The following ENTR1 variants were observed in gnomAD, a reference collection of about 807,000 sequenced individuals.
ENTR1 encodes the protein endosome-associated-trafficking regulator 1.
ENTR1 carries 47 observed loss-of-function variants against 47.9 expected under a neutral mutation model. The ratio of observed to expected loss-of-function variants is 0.98; its 90% confidence interval spans 0.78 to 1.25. The LOEUF (loss-of-function observed/expected upper bound fraction) is 1.25, where lower values mean the gene tolerates loss of function less well. Among genes scored for constraint, ENTR1 ranks in the 50% most tolerant of loss-of-function variants. The pLI is 0.00. For missense variants in ENTR1, 668 were observed against 570.5 expected, an observed-to-expected ratio of 1.17 and a Z score of -1.74; for synonymous variants, 290 against 245.8, an observed-to-expected ratio of 1.18 and a Z score of -1.68.
At chr9:136,407,661 A>G (rs1834847097) in intron 4 of ENTR1, 100 bp from the exon 5 acceptor site, 4 of 1,462,326 alleles carry the variant, frequency 2.7e-6, no homozygotes, top group East Asian at 2.3e-5. Context: ...GAAAGGCCCA[A>G]TCTCTCTACC....
In ENTR1 at chr9:136,407,304, C is replaced by T. The variant is rs1240162991; in HGVS notation, c.660G>A (p.Glu220=). ...TYLSFFSTPS[E]LAGPESLPSW... ...AGGGCAGAGACTCAGGCCCTGCCAG[C>T]TCCGACGGGGTGGAGAAAAAGGAAA... Residue 220 remains glutamate, a synonymous_variant, in exon 5 of 10, where the codon GAG becomes GAA. Transcript: ENST00000357365. The T allele has an allele frequency of 2.5e-6, 4 of 1,612,046 alleles. No individual in the cohort carries two copies. The highest frequency in any genetic ancestry group is 2.5e-6 in the Non-Finnish European group (3 of 1,179,740).
Position 136,404,087 on chromosome 9 carries a change from C to T in ENTR1, c.1176G>A (p.Arg392=), listed in dbSNP as rs1379171955. ...AAGCCTGTGCACTGTTCATGACCAC[C>T]CGGAGGTTCTGCAGGGCCACGTCGG... ...QNADVALQNL[R]VVMNSAQASI... Residue 392 remains arginine, a synonymous_variant, in exon 9 of 10, where the codon CGG becomes CGA. Transcript: ENST00000357365. 1.9e-6 allele frequency: 3 copies of T among 1,613,046 alleles called. No individual in the cohort carries two copies. Among genetic ancestry groups the T allele is most frequent in the African/African-American group, 1.3e-5 (1 of 74,926 alleles).
In ENTR1 at chr9:136,405,160, C is replaced by T. The variant is rs745481266; in HGVS notation, c.936G>A (p.Lys312=). 5 of 1,614,024 alleles carry T rather than the reference C, an allele frequency of 3.1e-6. No homozygotes were observed. The Admixed American group carries it at 5.0e-5, about 16-fold the overall frequency. The part of the protein sequence containing the change: ...LERKLEAKMI[K]EESDYHDLES... The stretch of plus-strand genomic sequence containing the variant: ...CCAGGTCGTGGTAGTCGCTTTCCTC[C>T]TTGATCATTTTTGCTTCTAACTTCC... Residue 312 remains lysine (K), a synonymous_variant, in exon 7 of 10, where the codon AAG becomes AAA. Coordinates refer to ENST00000357365, the MANE Select transcript of ENTR1 (RefSeq NM_001039707.2).
chr9:136,402,997 A>G, intron 9 of ENTR1, 110 bp from the exon 10 acceptor site: 1 of 457,086 alleles, frequency 2.2e-6, no homozygotes, highest in Non-Finnish European at 3.8e-6. Context: ...GAGGGGTTCC[A>G]AGGGGTAGGG....
chr9:136,404,079 A>G lies in ENTR1; in HGVS notation c.1184T>C (p.Met395Thr). The G allele has an allele frequency of 6.2e-7, 1 of 1,612,652 alleles. No homozygotes were observed. The highest frequency in any genetic ancestry group is 8.5e-7 in the Non-Finnish European group (1 of 1,179,634). Residue 395 changes from methionine (M) to threonine (T), a missense_variant, in exon 9 of 10, where the codon ATG (methionine) becomes ACG (threonine). Physicochemically the swap from Met to Thr is moderately conservative, Grantham distance 81 (BLOSUM62 -1). Transcript: ENST00000357365. Reference protein sequence around the residue: ...DVALQNLRVVMNSAQASIKQL... With the variant: ...DVALQNLRVVTNSAQASIKQL... The stretch of plus-strand genomic sequence containing the variant: ...CTTGATGGAAGCCTGTGCACTGTTC[A>G]TGACCACCCGGAGGTTCTGCAGGGC...
chr9:136,410,594 T>G lies in ENTR1; in HGVS notation c.-197A>C. On this transcript the variant is annotated 5_prime_UTR_variant, in exon 1 of 10. Transcript: ENST00000357365. ...ACCGAAAGCGCGTGCCTGAACGCCT[T>G]GGGCCGTCGGCGAGGGGGAGGGGAA... 3 of 1,263,472 alleles carry G rather than the reference T, an allele frequency of 2.4e-6. No individual in the cohort carries two copies. The highest frequency in any genetic ancestry group is 2.9e-5 in the East Asian group (1 of 34,486). 78.3% of individuals were successfully genotyped at this position (1,263,472 alleles called of 1,614,324 possible).
chr9:136,405,279 A>G, intron 6 of ENTR1, 77 bp from the exon 7 acceptor site: 1 of 1,169,386 alleles, frequency 8.6e-7, no homozygotes. Context: ...CTCATGAGCC[A>G]GATAAAACCC....
intron 8 of ENTR1, among the ~76,000 whole-genome samples, chr9:136,404,415 T>C (rs1024301149): frequency 6.6e-6 from 1 of 152,270 alleles, no homozygotes. Flanking sequence ...CTCCTACAAG[T>C]GGATGCCCCG....
Position 136,410,147 on chromosome 9 carries a change from G to GA in ENTR1, c.162dup (p.Arg55SerfsTer30). On this transcript the variant is annotated frameshift_variant, in exon 2 of 10. Coordinates refer to ENST00000357365, the MANE Select transcript of ENTR1 (RefSeq NM_001039707.2). LOFTEE classifies it high-confidence loss of function. Reference sequence around the variant, plus strand: ...GGCACATAGCACATAAAGGCCGGCCGAATGCCGAAGAAGGGGGAGTCCAGG... The same window carrying GA: ...GGCACATAGCACATAAAGGCCGGCCGAAATGCCGAAGAAGGGGGAGTCCAGG... 1 of 1,612,592 alleles carries GA rather than the reference G, an allele frequency of 6.2e-7. No homozygotes were observed. Among genetic ancestry groups the GA allele is most frequent in the Non-Finnish European group, 8.5e-7 (1 of 1,179,870 alleles).
chr9:136,408,427 A>C (rs945319404), intron 3 of ENTR1, among the ~76,000 whole-genome samples: 1 of 151,860 alleles, frequency 6.6e-6, no homozygotes, highest in Non-Finnish European at 1.5e-5. Flanking sequence ...AAATACAAAA[A>C]ATTAGCCAGG....
chr9:136,407,241 C>T lies in ENTR1; in HGVS notation c.723G>A (p.Pro241=), dbSNP rs752257940. The T allele has an allele frequency of 3.7e-6, 6 of 1,613,078 alleles. No homozygotes were observed. The highest frequency in any genetic ancestry group is 3.3e-5 in the South Asian group (3 of 91,060). Residue 241 remains proline, a synonymous_variant, in exon 5 of 10, where the codon CCG becomes CCA. Transcript: ENST00000357365. ...CGCTAGGACTCCCTGCCGGAGAGGCCGGAGACACGCGAGAATCAGTGTCAC... is the reference window on the plus strand; with the variant it reads ...CGCTAGGACTCCCTGCCGGAGAGGCTGGAGACACGCGAGAATCAGTGTCAC... ...ALSDTDSRVS[P]ASPAGSPSAD... is the part of the protein sequence containing the mutation.
In ENTR1 at chr9:136,410,456, C is replaced by T; in HGVS notation, c.-59G>A. ...CCCGGCAGCGGCGGCTCCATGGCCC[C>T]GGCTCCGCCCGTGCCGCGGCCCGCG... On this transcript the variant is annotated 5_prime_UTR_variant, in exon 1 of 10. Transcript: ENST00000357365. The T allele has an allele frequency of 1.9e-6, 2 of 1,056,258 alleles. No homozygotes were observed. Among genetic ancestry groups the T allele is most frequent in the South Asian group, 4.4e-5 (1 of 22,658 alleles). 65.4% of individuals were successfully genotyped at this position (1,056,258 alleles called of 1,614,324 possible).
rs778658675 is a variant in ENTR1 at position 136,407,367 on chromosome 9, C to G, written c.597G>C (p.Glu199Asp). 6.2e-7 allele frequency: 1 copy of G among 1,607,518 alleles called. No homozygotes were observed. Among genetic ancestry groups the G allele is most frequent in the Non-Finnish European group, 8.5e-7 (1 of 1,178,106 alleles). ...AGGGCGACGTGCCGGCAGGGACCCT[C>G]TCGGGGTGAGTCTGCTCGATGGCGG... The part of the protein sequence containing the change: ...LPSAIEQTHP[E>D]RVPAGTSPCS... Residue 199 changes from glutamate (E) to aspartate (D), a missense_variant, in exon 5 of 10, where the codon GAG (glutamate) becomes GAC (aspartate). Glu to Asp is a conservative substitution (Grantham distance 45). Coordinates refer to ENST00000357365, the MANE Select transcript of ENTR1 (RefSeq NM_001039707.2).
intron 2 of ENTR1, 121 bp from the exon 3 acceptor site, chr9:136,409,188 T>A (rs1834943086): frequency 2.6e-6 from 2 of 768,986 alleles, no homozygotes; most frequent in African/African-American, 1.7e-5. Context: ...GAGAACTTTT[T>A]TTTTTTTTTT....
chr9:136,406,278 G>A (rs1272542334), intron 5 of ENTR1, among the ~76,000 whole-genome samples: 1 of 151,944 alleles, frequency 6.6e-6, no homozygotes, highest in African/African-American at 2.4e-5. Context: ...GACCAGCCTG[G>A]CCAACACGGT....
intron 2 of ENTR1, among the ~76,000 whole-genome samples, chr9:136,409,373 G>C (rs1834960862): frequency 6.6e-6 from 1 of 152,214 alleles, no homozygotes; most frequent in Admixed American, 6.5e-5. Flanking sequence ...TGTAGAGACG[G>C]GTTTTCACCC....
At chr9:136,409,168 T>A in intron 2 of ENTR1, 101 bp from the exon 3 acceptor site, 1 of 948,674 alleles carries the variant, frequency 1.1e-6, no homozygotes, top group Non-Finnish European at 1.7e-6. Flanking sequence ...GCAGTGGTTC[T>A]CACAGTCTAG....
At chr9:136,403,986 G>C (rs2131546656) in intron 9 of ENTR1, 69 bp downstream of exon 9, 2 of 1,489,986 alleles carry the variant, frequency 1.3e-6, no homozygotes, top group Non-Finnish European at 1.8e-6. Flanking sequence ...CCCCACCCAG[G>C]ATCACTGACG....
In ENTR1 at chr9:136,403,905, A is replaced by G. The variant is rs1588781957; in HGVS notation, c.1208+150T>C. 1.1e-5 allele frequency: 10 copies of G among 897,148 alleles called. 1 individual carries two copies. In the East Asian group the frequency reaches 2.3e-4, roughly 21 times the overall value. The allele number at this position is 897,148 out of a possible 1,614,324, so 55.6% of individuals were successfully genotyped here. A position where few individuals can be genotyped will look rare whatever the true frequency, so the allele number is the denominator to read the frequency against. On this transcript the variant is annotated intron_variant, in intron 9 of 9. Transcript: ENST00000357365. ...GTCCACACAGTGACCCAGAGAGCTA[A>G]CAGGACCACTGAGCACGCGTCCCTC...
Sources: gnomAD v4.1 joint callset for allele counts (sites outside exome capture counted in the v4.1 genomes callset) on GRCh38, gnomAD v4.1.1 for gene constraint, MANE v1.5 for transcripts, NCBI Gene and HGNC (gene_info 2026-07-23, HGNC 2026-07-21) for gene names.